STRN4: variants seen among roughly 807,000 people sequenced by gnomAD.
The protein encoded by STRN4 is striatin 4.
STRN4 carries 27 observed loss-of-function variants against 77.9 expected under a neutral mutation model. The ratio of observed to expected loss-of-function variants is 0.35; its 90% CI spans 0.26 to 0.48. The LOEUF (loss-of-function observed/expected upper bound fraction) is 0.48, where lower values mean the gene tolerates loss of function less well. STRN4 is among the 20% of genes least tolerant of loss of function. STRN4 has a pLI of 0.99. For synonymous variants in STRN4, 466 were observed against 443.1 expected (o/e 1.05, Z -0.65); for missense variants, 798 against 1,049.7 (o/e 0.76, Z 3.31).
intron 5 of STRN4, 58 bp from the exon 6 acceptor site, chr19:46,730,931 T>G: frequency 6.3e-7 from 1 of 1,593,130 alleles, no homozygotes; most frequent in Admixed American, 1.7e-5. Context: ...AAAGCTCAGA[T>G]AGGAAGGTGC....
intron 1 of STRN4, among the ~76,000 whole-genome samples, chr19:46,739,720 C>G (rs1486555259): frequency 6.6e-6 from 1 of 152,246 alleles, no homozygotes; most frequent in African/African-American, 2.4e-5. Flanking sequence ...CCAGGCCCAA[C>G]TTAGACACTT....
chr19:46,738,087 C>T lies in STRN4; in HGVS notation c.460+77G>A. ...TAAGGAGCAAAGTGAGAAAGAGGCA[C>T]CCCATCTTCCTGCTTCTCCAGAACA... On this transcript the variant is annotated intron_variant, in intron 3 of 17. Coordinates refer to ENST00000263280, the MANE Select transcript of STRN4 (RefSeq NM_013403.3). The surrounding 1 kb of genome is among the most constrained non-coding windows in gnomAD (Gnocchi z 4.5). 3 of 1,428,454 alleles carry T rather than the reference C, an allele frequency of 2.1e-6. No homozygotes were observed. The highest frequency in any genetic ancestry group is 3.3e-5 in the Admixed American group (2 of 59,764). The allele number at this position is 1,428,454 out of a possible 1,614,324, so 88.5% of individuals were successfully genotyped here. A position where few individuals can be genotyped will look rare whatever the true frequency, so the allele number is the denominator to read the frequency against.
chr19:46,730,417 G>C (rs950464462), intron 6 of STRN4, among the ~76,000 whole-genome samples: 2 of 134,384 alleles, frequency 1.5e-5, no homozygotes, highest in Non-Finnish European at 3.3e-5. Flanking sequence ...TGAGTCTAAA[G>C]GAGGAAAGAA....
At chr19:46,722,765 G>C in intron 14 of STRN4, 45 bp downstream of exon 14, 2 of 1,607,182 alleles carry the variant, frequency 1.2e-6, no homozygotes, top group East Asian at 2.2e-5. Flanking sequence ...GTGGGGCCCA[G>C]AAGACACTGA....
chr19:46,729,435 T>C (rs780459739), intron 6 of STRN4, among the ~76,000 whole-genome samples: 15 of 152,136 alleles, frequency 9.9e-5, no homozygotes, highest in Non-Finnish European at 2.2e-4. Context: ...CCCCCCAGGC[T>C]GAGTTTGGCG....
chr19:46,743,513 C>T (rs2054510570), intron 1 of STRN4, among the ~76,000 whole-genome samples: 1 of 152,224 alleles, frequency 6.6e-6, no homozygotes, highest in Non-Finnish European at 1.5e-5. Context: ...TCTGCTATGA[C>T]TGCTTGGGTG....
Position 46,727,464 on chromosome 19 carries a change from G to C in STRN4, c.1236C>G (p.Asp412Glu). The change falls in exon 9 of 18, where the codon GAC becomes GAG. Residue 412 changes from aspartate (D) to glutamate (E), a missense_variant. Coordinates refer to ENST00000263280, the MANE Select transcript of STRN4 (RefSeq NM_013403.3). ...LADLTVTNDN[D>E]LSCDLSDSKD... Reference sequence around the variant, plus strand: ...CCGGAGAACTTACATCGCAGCTGAGGTCGTTGTCGTTGGTGACGGTGAGAT... The same window carrying C: ...CCGGAGAACTTACATCGCAGCTGAGCTCGTTGTCGTTGGTGACGGTGAGAT... The C allele has an allele frequency of 6.2e-7, 1 of 1,613,916 alleles. No homozygotes were observed. The highest frequency in any genetic ancestry group is 8.5e-7 in the Non-Finnish European group (1 of 1,179,854).
Position 46,723,634 on chromosome 19 carries a change from C to G in STRN4, c.1595-350G>C, listed in dbSNP as rs765018889. ...TGGTTCTGTGGCCCCAGGAGCGGCA[C>G]GCAGCCTGTGCTGGACAAGGGTTGG... On this transcript the variant is annotated intron_variant, in intron 12 of 17. Transcript: ENST00000263280. This position sits in a 1 kb window ranked among gnomAD's most constrained non-coding sequence, Gnocchi z 5.5. Among the ~76,000 whole-genome samples the G allele has an allele frequency of 6.6e-6, 1 of 152,206 alleles. No individual in the cohort carries two copies. Among genetic ancestry groups the G allele is most frequent in the Non-Finnish European group, 1.5e-5 (1 of 68,036 alleles).
chr19:46,727,671 G>T lies in STRN4; in HGVS notation c.1154-125C>A, dbSNP rs1182665313. 3.6e-6 allele frequency: 3 copies of T among 822,336 alleles called. No individual in the cohort carries two copies. The African/African-American group carries it at 5.1e-5, about 14-fold the overall frequency. The allele number at this position is 822,336 out of a possible 1,614,324, so 50.9% of individuals were successfully genotyped here. ...AGAGCAAGAGAGAGAGACGGGGAGA[G>T]GACAAGATGAAGAATCACAGCTGGA... is the stretch of plus-strand genomic sequence containing the variant. On this transcript the variant is annotated intron_variant, in intron 8 of 17. Transcript: ENST00000263280.
chr19:46,745,722 C>G (rs3810288), intron 1 of STRN4: 51,712 of 154,192 alleles, frequency 0.34, 8,799 homozygotes, highest in South Asian at 0.41. Context: ...GGAGACCACT[C>G]AGGTCTCCCA....
intron 10 of STRN4, 28 bp downstream of exon 10, chr19:46,725,445 C>A (rs1245558826): frequency 6.2e-7 from 1 of 1,613,742 alleles, no homozygotes; most frequent in Non-Finnish European, 8.5e-7. Context: ...GATGCCCCTG[C>A]CCCCGGCTCT....
At chr19:46,725,427 C>G (rs371840312) in intron 10 of STRN4, 46 bp downstream of exon 10, 3 of 1,613,928 alleles carry the variant, frequency 1.9e-6, no homozygotes, top group Non-Finnish European at 2.5e-6. Context: ...CTGTCACCCC[C>G]GTCCCCAGAT....
rs760742803 is a variant in STRN4, at chr19:46,727,459, C to A, written c.1241G>T (p.Ser414Ile). Reference protein sequence around the residue: ...DLTVTNDNDLSCDLSDSKDAF... With the variant: ...DLTVTNDNDLICDLSDSKDAF... ...GGCACCCGGAGAACTTACATCGCAG[C>A]TGAGGTCGTTGTCGTTGGTGACGGT... The change falls in exon 9 of 18, where the codon AGC (serine) becomes ATC (isoleucine). Residue 414 changes from serine (S) to isoleucine (I), a missense_variant. Coordinates refer to ENST00000263280, the MANE Select transcript of STRN4 (RefSeq NM_013403.3). 1.2e-6 allele frequency: 2 copies of A among 1,613,716 alleles called. No individual in the cohort carries two copies. The highest frequency in any genetic ancestry group is 1.7e-6 in the Non-Finnish European group (2 of 1,179,738).
In STRN4 at chr19:46,727,973, A is replaced by G; in HGVS notation, c.1074T>C (p.Ala358=). 1 of 1,614,044 alleles carries G rather than the reference A, an allele frequency of 6.2e-7. No individual in the cohort carries two copies. The highest frequency in any genetic ancestry group is 8.5e-7 in the Non-Finnish European group (1 of 1,179,952). The change falls in exon 8 of 18, where the codon GCT becomes GCC. Residue 358 remains alanine (A), a synonymous_variant. Coordinates refer to ENST00000263280, the MANE Select transcript of STRN4 (RefSeq NM_013403.3). The part of the protein sequence containing the change: ...SRRVKLQGIL[A]DLRDVDGLPP... ...GCAGCCCATCCACATCCCGCAGGTC[A>G]GCCAGAATGCCTTGGAGTTTGACCC...
At chr19:46,744,396 T>G (rs1308697318) in intron 1 of STRN4, among the ~76,000 whole-genome samples, 2 of 152,172 alleles carry the variant, frequency 1.3e-5, no homozygotes, top group African/African-American at 4.8e-5. Context: ...CAAAATGCTT[T>G]TTTTTGAGAC....
Position 46,721,109 on chromosome 19 carries a change from C to T in STRN4, c.2093-338G>A, listed in dbSNP as rs1320752336. 7 of 209,216 alleles carry T rather than the reference C, an allele frequency of 3.3e-5. No homozygotes were observed. The Admixed American group carries it at 3.6e-4, about 11-fold the overall frequency. 13.0% of individuals were successfully genotyped at this position (209,216 alleles called of 1,614,324 possible). A position where few individuals can be genotyped will look rare whatever the true frequency, so the allele number is the denominator to read the frequency against. On this transcript the variant is annotated intron_variant, in intron 16 of 17. Coordinates refer to ENST00000263280, the MANE Select transcript of STRN4 (RefSeq NM_013403.3). ...AAGAGAAAGAAGAAAGCAACCCAGCCGGTCAGTGTGAGGACAGAATGGCCC... is the reference window on the plus strand; with the variant it reads ...AAGAGAAAGAAGAAAGCAACCCAGCTGGTCAGTGTGAGGACAGAATGGCCC...
intron 5 of STRN4, chr19:46,731,380 C>A (rs2054248844): frequency 6.2e-6 from 1 of 161,052 alleles, no homozygotes. Context: ...ACCCAGGAGC[C>A]TGCACTATCC....
intron 1 of STRN4, among the ~76,000 whole-genome samples, chr19:46,743,155 G>A (rs763220662): frequency 3.2e-4 from 48 of 152,210 alleles, no homozygotes; most frequent in Middle Eastern, 3.4e-3. Flanking sequence ...TATTACATAA[G>A]CACAATAACT....
At chr19:46,743,624 G>T (rs955236214) in intron 1 of STRN4, among the ~76,000 whole-genome samples, 2 of 152,196 alleles carry the variant, frequency 1.3e-5, no homozygotes, top group Non-Finnish European at 2.9e-5. Context: ...CGACGGTCGG[G>T]CATGGTGGCT....
Sources: gnomAD v4.1 joint callset for allele counts (sites outside exome capture counted in the v4.1 genomes callset) on GRCh38, gnomAD v4.1.1 for gene constraint, Gnocchi (gnomAD v3.1) non-coding constraint, MANE v1.5 for transcripts, NCBI Gene and HGNC (gene_info 2026-07-23, HGNC 2026-07-21) for gene names.